MAN1A1: variants seen among roughly 807,000 people sequenced by gnomAD.
The protein encoded by MAN1A1 is mannosidase alpha class 1A member 1.
In MAN1A1, 29 loss-of-function variants were observed where a neutral mutation model predicts 70.8. The observed-to-expected ratio is 0.41, with a 90% CI of 0.31 to 0.56. MAN1A1 has a LOEUF of 0.56. Ranked by LOEUF, MAN1A1 falls within the 20% of genes least tolerant of loss-of-function variation. MAN1A1 has a pLI of 0.29. For missense variants in MAN1A1, 747 were observed against 841.3 expected, an observed-to-expected ratio of 0.89 and a Z score of 1.39; for synonymous variants, 349 against 330.1, an observed-to-expected ratio of 1.06 and a Z score of -0.62.
rs1773050862 is a variant in MAN1A1, at chr6:119,178,093, C to G, written c.*1726G>C. 6.6e-6 allele frequency: 1 copy of G among 151,990 alleles called. No individual in the cohort carries two copies. Among genetic ancestry groups the G allele is most frequent in the South Asian group, 2.1e-4 (1 of 4,820 alleles). 9.4% of individuals were successfully genotyped at this position (151,990 alleles called of 1,614,324 possible). ...TGGAAATAATGATGTACGGAAGAGTCTTTTTCATTTACTAATTTTACTAAT... is the reference window on the plus strand; with the variant it reads ...TGGAAATAATGATGTACGGAAGAGTGTTTTTCATTTACTAATTTTACTAAT... On this transcript the variant is annotated 3_prime_UTR_variant, in exon 13 of 13. Coordinates refer to ENST00000368468, the MANE Select transcript of MAN1A1 (RefSeq NM_005907.4).
chr6:119,179,718 G>A lies in MAN1A1; in HGVS notation c.*101C>T. 1 of 1,092,404 alleles carries A rather than the reference G, an allele frequency of 9.2e-7. No individual in the cohort carries two copies. Among genetic ancestry groups the A allele is most frequent in the African/African-American group, 1.6e-5 (1 of 63,434 alleles). The allele number at this position is 1,092,404 out of a possible 1,614,324, so 67.7% of individuals were successfully genotyped here. ...AAAACAATTTAAGAACTTAATCACAGACCTACTAATCAAAGTTCATCATGT... is the reference window on the plus strand; with the variant it reads ...AAAACAATTTAAGAACTTAATCACAAACCTACTAATCAAAGTTCATCATGT... On this transcript the variant is annotated 3_prime_UTR_variant, in exon 13 of 13. Transcript: ENST00000368468.
At chr6:119,317,145 T>C (rs149799453) in intron 2 of MAN1A1, among the ~76,000 whole-genome samples, 1 of 152,178 alleles carries the variant, frequency 6.6e-6, no homozygotes, top group Non-Finnish European at 1.5e-5. Context: ...AAAGTTCCTA[T>C]ATATCCTCTG....
At chr6:119,197,802 G>GTT (rs75604834) in intron 8 of MAN1A1, among the ~76,000 whole-genome samples, 3 of 148,688 alleles carry the variant, frequency 2.0e-5, no homozygotes, top group African/African-American at 4.9e-5. Context: ...TTTGTTTTTT[G>GTT]TTTTTTTTTT....
At chr6:119,255,921 TA>T (rs201781710) in intron 5 of MAN1A1, among the ~76,000 whole-genome samples, 6 of 151,694 alleles carry the variant, frequency 4.0e-5, no homozygotes, top group South Asian at 2.1e-4. Flanking sequence ...CTTCATTTTT[TA>T]AAAAAAATAT....
intron 5 of MAN1A1, among the ~76,000 whole-genome samples, chr6:119,285,588 T>G (rs1382289621): frequency 6.6e-6 from 1 of 151,300 alleles, no homozygotes; most frequent in Non-Finnish European, 1.5e-5. Context: ...TTTAAGGTAT[T>G]GTGATCACTG....
intron 6 of MAN1A1, among the ~76,000 whole-genome samples, chr6:119,213,715 G>A (rs1379663649): frequency 2.6e-5 from 4 of 152,094 alleles, no homozygotes; most frequent in African/African-American, 7.2e-5. Flanking sequence ...CAAAAAGATA[G>A]TTACATAATA....
chr6:119,286,444 G>T (rs1236322300), intron 5 of MAN1A1, among the ~76,000 whole-genome samples: 1 of 151,938 alleles, frequency 6.6e-6, no homozygotes, highest in Non-Finnish European at 1.5e-5. Flanking sequence ...CTCCTTGTTA[G>T]TCTTAAAATT....
intron 5 of MAN1A1, among the ~76,000 whole-genome samples, chr6:119,260,372 C>T (rs1427823468): frequency 1.3e-5 from 2 of 152,154 alleles, no homozygotes; most frequent in Non-Finnish European, 2.9e-5. Context: ...TTTAGCCAGT[C>T]TTCTATTAGT....
chr6:119,309,425 T>C (rs7750041), intron 2 of MAN1A1, among the ~76,000 whole-genome samples: 56,572 of 152,074 alleles, frequency 0.37, 11,123 homozygotes, highest in Non-Finnish European at 0.41. Context: ...GCGATGAGGA[T>C]AAAGTCATTT....
At chr6:119,345,032 G>C (rs1267696954) in intron 2 of MAN1A1, among the ~76,000 whole-genome samples, 1 of 151,934 alleles carries the variant, frequency 6.6e-6, no homozygotes, top group Admixed American at 6.6e-5. Flanking sequence ...GAGAAGAAAG[G>C]AGTCCCCTCT....
chr6:119,221,087 C>G (rs1774347105), intron 6 of MAN1A1, among the ~76,000 whole-genome samples: 1 of 150,744 alleles, frequency 6.6e-6, no homozygotes, highest in South Asian at 2.1e-4. Context: ...AGGTCAACAA[C>G]AGTTACAAGC....
At chr6:119,337,574 T>A (rs189776098) in intron 2 of MAN1A1, among the ~76,000 whole-genome samples, 33 of 152,326 alleles carry the variant, frequency 2.2e-4, no homozygotes, top group African/African-American at 7.0e-4. Context: ...AAAGAGCCAA[T>A]GTCATAGAAA....
chr6:119,204,044 C>A (rs751300067), intron 7 of MAN1A1, among the ~76,000 whole-genome samples: 2 of 152,030 alleles, frequency 1.3e-5, no homozygotes, highest in Non-Finnish European at 2.9e-5. Context: ...GAGCATCCAG[C>A]AAAAGAGGAG....
At chr6:119,205,018 A>T (rs1355014645) in intron 6 of MAN1A1, 136 bp from the exon 7 acceptor site, 1 of 828,092 alleles carries the variant, frequency 1.2e-6, no homozygotes, top group African/African-American at 1.7e-5. Context: ...TTATAAAACC[A>T]AGCACTGTCT....
chr6:119,207,710 G>A (rs1428609688), intron 6 of MAN1A1, among the ~76,000 whole-genome samples: 2 of 152,090 alleles, frequency 1.3e-5, no homozygotes, highest in African/African-American at 4.8e-5. Context: ...TGTTTATAAG[G>A]CTTTAATGTT....
chr6:119,307,404 G>C (rs865782510), intron 2 of MAN1A1, among the ~76,000 whole-genome samples: 7 of 152,060 alleles, frequency 4.6e-5, no homozygotes, highest in Admixed American at 2.6e-4. Flanking sequence ...TTCTTACTTT[G>C]TTGGCCTCAC....
chr6:119,349,216 C>A lies in MAN1A1; in HGVS notation c.-151G>T. On this transcript the variant is annotated 5_prime_UTR_variant, in exon 2 of 13. Transcript: ENST00000368468. The stretch of plus-strand genomic sequence containing the variant: ...CGGATCCTCCCTGGGGGAACAACTC[C>A]GCGCCGGGTCTTCTCCCCGGGGCGG... The A allele has an allele frequency of 2.5e-6, 3 of 1,214,624 alleles. No homozygotes were observed. The highest frequency in any genetic ancestry group is 4.3e-5 in the Admixed American group (1 of 23,030). The allele number at this position is 1,214,624 out of a possible 1,614,324, so 75.2% of individuals were successfully genotyped here.
intron 6 of MAN1A1, among the ~76,000 whole-genome samples, chr6:119,232,614 G>C (rs1774715427): frequency 6.6e-6 from 1 of 151,356 alleles, no homozygotes; most frequent in Admixed American, 6.6e-5. Context: ...TATAAAATTG[G>C]ATATTCATGC....
At chr6:119,348,433 C>T (rs745418740) in intron 2 of MAN1A1, 30 bp downstream of exon 2, 2 of 1,536,314 alleles carry the variant, frequency 1.3e-6, no homozygotes, top group Non-Finnish European at 1.8e-6. Context: ...CACGGCCGGT[C>T]GGGAGGGATT....
Sources: gnomAD v4.1 joint callset for allele counts (sites outside exome capture counted in the v4.1 genomes callset) on GRCh38, gnomAD v4.1.1 for gene constraint, MANE v1.5 for transcripts, NCBI Gene and HGNC (gene_info 2026-07-23, HGNC 2026-07-21) for gene names.